Variants in CAMKMT observed in about 807,000 individuals in gnomAD.
The protein encoded by CAMKMT is calmodulin-lysine N-methyltransferase, also known as CaM KMT.
Under a neutral mutation model 48.0 loss-of-function variants are expected in CAMKMT, and 53 were observed. The observed-to-expected ratio is 1.10, with a 90% confidence interval of 0.89 to 1.39. The LOEUF is 1.39. Ranked by LOEUF, CAMKMT falls within the 40% of genes most tolerant of loss-of-function variation. The pLI, the probability that CAMKMT is intolerant of heterozygous loss-of-function variation, is 0.00. For synonymous variants in CAMKMT, 165 were observed against 152.3 expected (o/e 1.08, Z -0.61); for missense variants, 428 against 402.7 (o/e 1.06, Z -0.54).
rs758586535 is a variant in CAMKMT, at chr2:44,403,611, GTACT to G, written c.376+13312_376+13315del. 7.2e-5 allele frequency among the ~76,000 whole-genome samples: 11 copies of G among 152,160 alleles called. No individual in the cohort carries two copies. The East Asian group carries it at 1.2e-3, about 16-fold the overall frequency. On this transcript the variant is annotated intron_variant, in intron 3 of 10. Transcript: ENST00000378494. ...ATGAACCTTCATTTTGTTTCTAAAT[GTACT>G]TACTTTTATTTTAGGTGGGGTGTCA...
At chr2:44,699,252 G>A (rs1239120132) in intron 3 of CAMKMT, among the ~76,000 whole-genome samples, 2 of 152,148 alleles carry the variant, frequency 1.3e-5, no homozygotes, top group East Asian at 1.9e-4. Flanking sequence ...AAGAATCACT[G>A]TATTTGGCAG....
At chr2:44,727,856 T>C (rs1475410842) in intron 7 of CAMKMT, among the ~76,000 whole-genome samples, 1 of 152,212 alleles carries the variant, frequency 6.6e-6, no homozygotes, top group Non-Finnish European at 1.5e-5. Context: ...TCTGCATCTA[T>C]TGAGATGATC....
chr2:44,490,545 G>A (rs13429530), intron 3 of CAMKMT, among the ~76,000 whole-genome samples: 4,984 of 152,214 alleles, frequency 0.033, 88 homozygotes, highest in Non-Finnish European at 0.053. Flanking sequence ...AAAGTGCTGG[G>A]ATTACAGGCA....
At chr2:44,412,221 G>A (rs758653497) in intron 3 of CAMKMT, among the ~76,000 whole-genome samples, 12 of 152,030 alleles carry the variant, frequency 7.9e-5, no homozygotes, top group East Asian at 1.9e-4. Context: ...CACCCCCTGC[G>A]ATGCCTGTTC....
At chr2:44,723,648 A>T (rs148756244) in intron 7 of CAMKMT, 1 of 148,274 alleles carries the variant, frequency 6.7e-6, no homozygotes, top group African/African-American at 2.6e-5. Context: ...AAATAAATAA[A>T]TAAATAAAAT....
At chr2:44,769,436 T>C (rs962018718) in intron 10 of CAMKMT, among the ~76,000 whole-genome samples, 4 of 152,154 alleles carry the variant, frequency 2.6e-5, no homozygotes, top group Non-Finnish European at 5.9e-5. Context: ...AATAAAACAC[T>C]TCCCTCTCCT....
chr2:44,753,360 G>A (rs567182052), intron 8 of CAMKMT, among the ~76,000 whole-genome samples: 17 of 148,604 alleles, frequency 1.1e-4, no homozygotes, highest in African/African-American at 4.0e-4. Context: ...CCTGGCATTT[G>A]AGGCTGCAGT....
At chr2:44,590,257 G>A (rs891528374) in intron 3 of CAMKMT, among the ~76,000 whole-genome samples, 11 of 152,126 alleles carry the variant, frequency 7.2e-5, no homozygotes. Flanking sequence ...TTGTATTGGA[G>A]TAATGCTTTC....
rs1553418028 is a variant in CAMKMT, at chr2:44,576,342, A to AAG, written c.377-127940_377-127939insGA. Among the ~76,000 whole-genome samples, 280 of 151,702 alleles carry AAG rather than the reference A, an allele frequency of 1.8e-3. No homozygotes were observed. In the Middle Eastern group the frequency reaches 0.021, roughly 11 times the overall value. ...AAACTCTGTCTAAAAAAAAAAAAAA[A>AAG]AAAAGAAAAGAAAAAGAAAGAACAC... is the stretch of plus-strand genomic sequence containing the variant. On this transcript the variant is annotated intron_variant, in intron 3 of 10. Coordinates refer to ENST00000378494, the MANE Select transcript of CAMKMT (RefSeq NM_024766.5).
At chr2:44,414,577 G>C (rs148729757) in intron 3 of CAMKMT, among the ~76,000 whole-genome samples, 1 of 152,180 alleles carries the variant, frequency 6.6e-6, no homozygotes, top group Non-Finnish European at 1.5e-5. Context: ...CACCCAAGAT[G>C]AGAGTCATAG....
Position 44,714,991 on chromosome 2 carries a change from C to A in CAMKMT, c.557-296C>A, listed in dbSNP as rs369987665. ...GGTGGATTACCTGAGGTCAGGAGTT[C>A]GAGACCAGCCTGGCCAACATGGTGA... On this transcript the variant is annotated intron_variant, in intron 6 of 10. Transcript: ENST00000378494. Among the ~76,000 whole-genome samples the A allele has an allele frequency of 1.7e-3, 251 of 152,052 alleles. 1 individual carries two copies. The highest frequency in any genetic ancestry group is 5.9e-3 in the African/African-American group (245 of 41,506).
chr2:44,436,180 A>T (rs1293740779), intron 3 of CAMKMT, among the ~76,000 whole-genome samples: 1 of 152,100 alleles, frequency 6.6e-6, no homozygotes, highest in African/African-American at 2.4e-5. Flanking sequence ...GGTTCAAGCG[A>T]TTCTCGTGCC....
At chr2:44,468,747 A>C (rs1389317529) in intron 3 of CAMKMT, among the ~76,000 whole-genome samples, 1 of 152,100 alleles carries the variant, frequency 6.6e-6, no homozygotes, top group African/African-American at 2.4e-5. Context: ...AGCAAGACCC[A>C]GTCTCTACAA....
intron 2 of CAMKMT, among the ~76,000 whole-genome samples, chr2:44,387,576 G>GT (rs987600969): frequency 1.2e-4 from 18 of 149,310 alleles, no homozygotes; most frequent in East Asian, 5.9e-4. Flanking sequence ...TGAGTACTTT[G>GT]TTTTTTTTTG....
chr2:44,731,088 C>G (rs1290093917), intron 7 of CAMKMT, among the ~76,000 whole-genome samples: 2 of 152,194 alleles, frequency 1.3e-5, no homozygotes, highest in East Asian at 3.8e-4. Context: ...CACCTGTAAT[C>G]CCAGCACTTT....
chr2:44,385,344 T>G (rs1040215778), intron 2 of CAMKMT, among the ~76,000 whole-genome samples: 1 of 152,168 alleles, frequency 6.6e-6, no homozygotes, highest in African/African-American at 2.4e-5. Flanking sequence ...ATTTGGAAAT[T>G]TTGCTGAATT....
At chr2:44,427,495 G>A (rs1256953933) in intron 3 of CAMKMT, among the ~76,000 whole-genome samples, 1 of 152,134 alleles carries the variant, frequency 6.6e-6, no homozygotes, top group Non-Finnish European at 1.5e-5. Context: ...CAAAGGACAC[G>A]AACAGATACT....
chr2:44,695,136 G>T (rs207461685), intron 3 of CAMKMT, among the ~76,000 whole-genome samples: 5 of 152,156 alleles, frequency 3.3e-5, no homozygotes, highest in African/African-American at 1.2e-4. Flanking sequence ...TAGCAGAAGT[G>T]CTATAATTTT....
intron 7 of CAMKMT, among the ~76,000 whole-genome samples, chr2:44,726,989 A>G (rs1678823738): frequency 6.6e-6 from 1 of 151,992 alleles, no homozygotes; most frequent in Non-Finnish European, 1.5e-5. Flanking sequence ...GTCTATTTTT[A>G]TACCAGTACC....
Sources: gnomAD v4.1 joint callset for allele counts (sites outside exome capture counted in the v4.1 genomes callset) on GRCh38, gnomAD v4.1.1 for gene constraint, MANE v1.5 for transcripts, NCBI Gene and HGNC (gene_info 2026-07-23, HGNC 2026-07-21) for gene names.